Variants in ASXL1 observed in about 807,000 individuals in gnomAD.
The protein encoded by ASXL1 is polycomb group protein ASXL1.
Under a neutral mutation model 89.1 loss-of-function variants are expected in ASXL1, and 65 were observed. The observed-to-expected ratio is 0.73, with a 90% CI of 0.60 to 0.90. The LOEUF is 0.90. ASXL1 is among the 40% of genes least tolerant of loss of function. The pLI, the probability that ASXL1 is intolerant of heterozygous loss-of-function variation, is 0.00. For synonymous variants in ASXL1, 739 were observed against 746.9 expected, an observed-to-expected ratio of 0.99 and a Z score of 0.17; for missense variants, 1,786 against 1,942.9, an observed-to-expected ratio of 0.92 and a Z score of 1.52.
intron 4 of ASXL1, among the ~76,000 whole-genome samples, chr20:32,398,603 G>GTTTTTTTTTTTTTTTTTTTTT (rs375341392): frequency 3.2e-5 from 4 of 126,450 alleles, no homozygotes; most frequent in Non-Finnish European, 3.2e-5. Flanking sequence ...TTTTTTGTTT[G>GTTTTTTTTTTTTTTTTTTTTT]TTTTTTTTTT....
At chr20:32,411,176 T>G (rs2049037903) in intron 4 of ASXL1, among the ~76,000 whole-genome samples, 1 of 150,422 alleles carries the variant, frequency 6.6e-6, no homozygotes, top group South Asian at 2.1e-4. Context: ...AGCTTTAATT[T>G]ATTCCCCCAT....
At position 32,387,786 on chromosome 20, in the gene ASXL1, C is replaced by CT. The variant is rs149113042; in HGVS notation, c.252+18667dup. On this transcript the variant is annotated intron_variant, in intron 4 of 12. Transcript: ENST00000375687. ...AGTTATATCCCCATCCTGGATATTC[C>CT]TTTTGAACGTCAGACTCATATATTC... Among the ~76,000 whole-genome samples the CT allele has an allele frequency of 7.0e-4, 107 of 152,270 alleles. 4 individuals carry two copies. The East Asian group carries it at 0.017, about 24-fold the overall frequency.
At chr20:32,418,178 A>G (rs1016374206) in intron 4 of ASXL1, among the ~76,000 whole-genome samples, 2 of 151,870 alleles carry the variant, frequency 1.3e-5, no homozygotes, top group African/African-American at 4.8e-5. Context: ...ACTCTGTATC[A>G]AAAAAATAAT....
In ASXL1 at chr20:32,434,345, A is replaced by T. The variant is rs545763033; in HGVS notation, c.1720-87A>T. ...TTTGATTCTGTATGCCATGACCCTT[A>T]AGCTACTAGAATCCTAGTTTTGCTT... On this transcript the variant is annotated intron_variant, in intron 12 of 12. Transcript: ENST00000375687. 3.4e-4 allele frequency: 505 copies of T among 1,483,378 alleles called. 1 individual carries two copies. Among genetic ancestry groups the T allele is most frequent in the Non-Finnish European group, 4.5e-4 (481 of 1,064,124 alleles). 91.9% of individuals were successfully genotyped at this position (1,483,378 alleles called of 1,614,324 possible). A position where few individuals can be genotyped will look rare whatever the true frequency, so the allele number is the denominator to read the frequency against.
In ASXL1 at chr20:32,436,608, G is replaced by A. The variant is rs1416591993; in HGVS notation, c.3896G>A (p.Gly1299Asp). ...CTGGGTGATCAGAGCAATGTTACAG[G>A]CCAAGGGAAGAAGCTTTTTGGCTCT... ...RALGDQSNVT[G>D]QGKKLFGSGN... The change falls in exon 13 of 13, where the codon GGC (glycine) becomes GAC (aspartate). Residue 1299 changes from glycine (G) to aspartate (D), a missense_variant. By Grantham distance (94) the Gly-to-Asp change is moderately conservative. Coordinates refer to ENST00000375687, the MANE Select transcript of ASXL1 (RefSeq NM_015338.6). 6.2e-7 allele frequency: 1 copy of A among 1,614,150 alleles called. No individual in the cohort carries two copies. Among genetic ancestry groups the A allele is most frequent in the Non-Finnish European group, 8.5e-7 (1 of 1,180,044 alleles).
Position 32,358,681 on chromosome 20 carries a change from C to G in ASXL1, c.-95C>G. ...GCGCGCCGCCGCTGCCACGCGCCCC[C>G]CCCACCGCCGCCGCCGCCCCAGCCC... On this transcript the variant is annotated 5_prime_UTR_variant, in exon 1 of 13. Coordinates refer to ENST00000375687, the MANE Select transcript of ASXL1 (RefSeq NM_015338.6). 1 of 484,362 alleles carries G rather than the reference C, an allele frequency of 2.1e-6. No homozygotes were observed. The highest frequency in any genetic ancestry group is 2.1e-5 in the African/African-American group (1 of 46,852). The allele number at this position is 484,362 out of a possible 1,614,324, so 30.0% of individuals were successfully genotyped here.
chr20:32,367,927 C>T (rs746706295), intron 3 of ASXL1, among the ~76,000 whole-genome samples, 198 bp downstream of exon 3: 5 of 152,182 alleles, frequency 3.3e-5, no homozygotes, highest in South Asian at 2.1e-4. Context: ...GAGATGCTAG[C>T]ACACCCACTT....
chr20:32,372,974 G>T (rs991147232), intron 4 of ASXL1, among the ~76,000 whole-genome samples: 2 of 143,556 alleles, frequency 1.4e-5, no homozygotes, highest in African/African-American at 5.2e-5. Flanking sequence ...AGACAGTCTC[G>T]CTTTGTTGCC....
At chr20:32,359,256 C>T (rs2048068212) in intron 1 of ASXL1, 7 of 702,198 alleles carry the variant, frequency 1.0e-5, no homozygotes, top group Middle Eastern at 2.4e-4. Context: ...TGGGGTGGTG[C>T]CTTTGACTCC....
In ASXL1 at chr20:32,433,618, C is replaced by T. The variant is rs766248526; in HGVS notation, c.1420C>T (p.Pro474Ser). ...TCTGCCAGGCACATCCTCTGCAGCA[C>T]CCGACCTGGAGGGTCCCGAATTCCC... is the stretch of plus-strand genomic sequence containing the variant. ...PHLPGTSSAA[P>S]DLEGPEFPVE... The change falls in exon 12 of 13, where the codon CCC becomes TCC. Residue 474 changes from proline (P) to serine (S), a missense_variant. Pro to Ser is a moderately conservative substitution (Grantham distance 74). Coordinates refer to ENST00000375687, the MANE Select transcript of ASXL1 (RefSeq NM_015338.6). 1 of 1,613,924 alleles carries T rather than the reference C, an allele frequency of 6.2e-7. No homozygotes were observed. Among genetic ancestry groups the T allele is most frequent in the Non-Finnish European group, 8.5e-7 (1 of 1,179,842 alleles).
intron 9 of ASXL1, 42 bp downstream of exon 9, chr20:32,431,526 C>A (rs2011512650): frequency 6.2e-7 from 1 of 1,614,052 alleles, no homozygotes; most frequent in Non-Finnish European, 8.5e-7. Context: ...TCTGGGTGGG[C>A]TTCTGTTCTC....
chr20:32,434,458 C>G lies in ASXL1; in HGVS notation c.1746C>G (p.Pro582=). The G allele has an allele frequency of 6.2e-7, 1 of 1,614,092 alleles. No homozygotes were observed. The highest frequency in any genetic ancestry group is 1.3e-5 in the African/African-American group (1 of 75,056). The change falls in exon 13 of 13, where the codon CCC becomes CCG. Residue 582 remains proline (P), a synonymous_variant. Coordinates refer to ENST00000375687, the MANE Select transcript of ASXL1 (RefSeq NM_015338.6). Reference sequence around the variant, plus strand: ...TTCAACTTTCACGTATCAAACCACCCTGGGTGGTTAAAGGTCAGCCCACTT... The same window carrying G: ...TTCAACTTTCACGTATCAAACCACCGTGGGTGGTTAAAGGTCAGCCCACTT... ...IRIQLSRIKP[P]WVVKGQPTYQ...
chr20:32,360,076 AAAAAT>A, intron 1 of ASXL1: 2 of 479,982 alleles, frequency 4.2e-6, no homozygotes, highest in Non-Finnish European at 7.6e-6. Flanking sequence ...CAAAAAAAAA[AAAAAT>A]AGACTGTATT....
At chr20:32,423,326 T>A (rs932114989) in intron 4 of ASXL1, among the ~76,000 whole-genome samples, 2 of 151,800 alleles carry the variant, frequency 1.3e-5, no homozygotes, top group Admixed American at 1.3e-4. Flanking sequence ...ACCTCCCAGG[T>A]TCAAGCGATT....
chr20:32,423,573 T>G (rs1377057648), intron 4 of ASXL1, among the ~76,000 whole-genome samples: 1 of 149,720 alleles, frequency 6.7e-6, no homozygotes, highest in Non-Finnish European at 1.5e-5. Context: ...GTATTTGAGA[T>G]GGAGTTTCAC....
intron 4 of ASXL1, among the ~76,000 whole-genome samples, chr20:32,371,500 T>TCCTG (rs2048300804): frequency 6.6e-6 from 1 of 152,180 alleles, no homozygotes; most frequent in African/African-American, 2.4e-5. Context: ...TTGCCCAGGC[T>TCCTG]GGTCTCGAGC....
intron 4 of ASXL1, among the ~76,000 whole-genome samples, chr20:32,397,238 G>A (rs1190804925): frequency 2.7e-5 from 2 of 72,960 alleles, no homozygotes; most frequent in South Asian, 5.7e-4. Flanking sequence ...TGGGGTGAGC[G>A]ACCATGCCTG....
At chr20:32,368,724 G>A (rs1202925495) in intron 3 of ASXL1, among the ~76,000 whole-genome samples, 1 of 152,004 alleles carries the variant, frequency 6.6e-6, no homozygotes, top group East Asian at 1.9e-4. Flanking sequence ...AAATTGTGAG[G>A]TTTTTCTAAA....
intron 4 of ASXL1, among the ~76,000 whole-genome samples, chr20:32,405,681 A>G (rs2048942627): frequency 6.6e-6 from 1 of 152,180 alleles, no homozygotes; most frequent in Non-Finnish European, 1.5e-5. Context: ...TTTGAAGACT[A>G]CAGACCAGTT....
Sources: allele counts gnomAD v4.1 joint callset (sites outside exome capture counted in the v4.1 genomes callset), GRCh38; gene constraint gnomAD v4.1.1; transcripts MANE v1.5; gene names NCBI Gene and HGNC (gene_info 2026-07-23, HGNC 2026-07-21).